Variants in MAST2 observed in about 807,000 individuals in gnomAD.
MAST2 encodes microtubule associated serine/threonine kinase 2, also known as microtubule-associated serine/threonine-protein kinase 2.
A neutral mutation model predicts 147.4 loss-of-function variants in MAST2; 70 were observed. The observed-to-expected ratio is 0.47, with a 90% CI of 0.39 to 0.58. The LOEUF (loss-of-function observed/expected upper bound fraction) is 0.58, where lower values mean the gene tolerates loss of function less well. Among genes scored for constraint, MAST2 ranks in the 20% least tolerant of loss-of-function variants. The probability of loss-of-function intolerance (pLI) is 0.00; values close to 1 mark genes in which losing one functional copy is unlikely to be tolerated. For missense variants in MAST2, 2,080 were observed against 2,302.3 expected (o/e 0.90, Z 1.98); for synonymous variants, 869 against 896.8 (o/e 0.97, Z 0.55).
chr1:46,028,987 T>C (rs904142996), intron 18 of MAST2, 54 bp downstream of exon 18: 1 of 1,514,506 alleles, frequency 6.6e-7, no homozygotes, highest in Non-Finnish European at 8.8e-7. Flanking sequence ...TCCACAAATA[T>C]GATGTATGCA....
chr1:45,824,496 T>G lies in MAST2; in HGVS notation c.241T>G (p.Ser81Ala). ...ACTCAGTAATCCTGACATATTTTCA[T>G]CCACTGGAAAAGTTAAACTTCAGCG... ...RKLSNPDIFS[S>A]TGKVKLQRQL... Residue 81 changes from serine (S) to alanine (A), a missense_variant, in exon 2 of 29, where the codon TCC becomes GCC. Ser to Ala is a moderately conservative substitution (Grantham distance 99, BLOSUM62 1). This residue lies in a region of MAST2 where 569 missense variants were observed against 642.5 expected (regional missense o/e 0.89). Transcript: ENST00000361297. The G allele has an allele frequency of 1.2e-6, 2 of 1,612,646 alleles. No homozygotes were observed. The highest frequency in any genetic ancestry group is 1.7e-6 in the Non-Finnish European group (2 of 1,179,144).
chr1:45,919,803 T>G (rs12130024), intron 4 of MAST2, among the ~76,000 whole-genome samples: 17 of 152,258 alleles, frequency 1.1e-4, no homozygotes, highest in Non-Finnish European at 2.4e-4. Flanking sequence ...TTTTTTTTTT[T>G]TTTTTCATAG....
At chr1:45,804,795 G>A (rs1421582323) in intron 1 of MAST2, among the ~76,000 whole-genome samples, 2 of 152,218 alleles carry the variant, frequency 1.3e-5, no homozygotes, top group Non-Finnish European at 2.9e-5. Flanking sequence ...GTATTTATGA[G>A]TAGGGGATAA....
chr1:45,899,719 C>T (rs1287565019), intron 4 of MAST2, among the ~76,000 whole-genome samples: 1 of 151,820 alleles, frequency 6.6e-6, no homozygotes, highest in Non-Finnish European at 1.5e-5. Flanking sequence ...TGGTGGGCAC[C>T]TAGGTTGATT....
At chr1:45,837,426 A>G in intron 3 of MAST2, among the ~76,000 whole-genome samples, 1 of 152,130 alleles carries the variant, frequency 6.6e-6, no homozygotes, top group African/African-American at 2.4e-5. Flanking sequence ...AGATTCATCC[A>G]TGTTGTTTTG....
At chr1:45,950,329 T>C (rs1179561977) in intron 4 of MAST2, among the ~76,000 whole-genome samples, 1 of 152,174 alleles carries the variant, frequency 6.6e-6, no homozygotes, top group Non-Finnish European at 1.5e-5. Context: ...TTGGCTTGTT[T>C]AGTGTAAGCA....
Position 46,022,810 on chromosome 1 carries a change from A to G in MAST2, c.1424-100A>G, listed in dbSNP as rs1646243301. ...CACATCCTAGGCTGATGCAAAAAGC[A>G]TTAATGACTACCCTACATGCACCTG... On this transcript the variant is annotated intron_variant, in intron 12 of 28. Coordinates refer to ENST00000361297, the MANE Select transcript of MAST2 (RefSeq NM_015112.3). 1.0e-5 allele frequency: 9 copies of G among 870,908 alleles called. No homozygotes were observed. The South Asian group carries it at 1.2e-4, about 12-fold the overall frequency. The allele number at this position is 870,908 out of a possible 1,614,324, so 53.9% of individuals were successfully genotyped here.
intron 3 of MAST2, among the ~76,000 whole-genome samples, chr1:45,852,693 G>T (rs1570376880): frequency 6.6e-6 from 1 of 152,004 alleles, no homozygotes; most frequent in Non-Finnish European, 1.5e-5. Flanking sequence ...TTATATAAAT[G>T]GAACCATATA....
At chr1:45,869,567 G>A (rs1042445462) in intron 3 of MAST2, among the ~76,000 whole-genome samples, 2 of 152,088 alleles carry the variant, frequency 1.3e-5, no homozygotes, top group Admixed American at 1.3e-4. Flanking sequence ...ATCCTCTGCT[G>A]CTTTATGTAT....
chr1:45,918,019 A>G (rs1228553179), intron 4 of MAST2, among the ~76,000 whole-genome samples: 1 of 152,218 alleles, frequency 6.6e-6, no homozygotes, highest in Non-Finnish European at 1.5e-5. Flanking sequence ...GGGCATGGGA[A>G]ACAAAGCAGT....
intron 27 of MAST2, 50 bp downstream of exon 27, chr1:46,033,988 G>A (rs1200954429): frequency 6.2e-7 from 1 of 1,609,342 alleles, no homozygotes; most frequent in Non-Finnish European, 8.5e-7. Flanking sequence ...ATGAGTGCTG[G>A]TACGTGGTGG....
intron 4 of MAST2, among the ~76,000 whole-genome samples, chr1:45,927,645 T>C (rs971409088): frequency 6.6e-6 from 1 of 152,210 alleles, no homozygotes; most frequent in South Asian, 2.1e-4. Context: ...TTTTTCAAGG[T>C]GCTCAGATTT....
At chr1:45,890,264 C>T (rs771616880) in intron 4 of MAST2, among the ~76,000 whole-genome samples, 4 of 152,172 alleles carry the variant, frequency 2.6e-5, no homozygotes, top group Non-Finnish European at 5.9e-5. Context: ...TGCCTTTTCC[C>T]GTTGTGTAGT....
At chr1:45,876,617 G>T (rs1646618094) in intron 3 of MAST2, among the ~76,000 whole-genome samples, 2 of 152,202 alleles carry the variant, frequency 1.3e-5, no homozygotes, top group South Asian at 4.1e-4. Flanking sequence ...TCCTGATTGT[G>T]TAGCTTTTCT....
At chr1:45,851,175 T>C (rs1645612334) in intron 3 of MAST2, among the ~76,000 whole-genome samples, 1 of 152,196 alleles carries the variant, frequency 6.6e-6, no homozygotes, top group African/African-American at 2.4e-5. Context: ...GTTGAGATCT[T>C]TTACCTCCTT....
At chr1:45,855,733 A>G (rs949403624) in intron 3 of MAST2, among the ~76,000 whole-genome samples, 4 of 152,176 alleles carry the variant, frequency 2.6e-5, no homozygotes, top group African/African-American at 9.7e-5. Context: ...GAACTCATTT[A>G]GGAGTTTTTC....
rs944420416 is a variant in MAST2 at position 45,908,780 on chromosome 1, C to T, written c.500+26385C>T. Among the ~76,000 whole-genome samples, 6 of 152,242 alleles carry T rather than the reference C, an allele frequency of 3.9e-5. 1 individual carries two copies. The Middle Eastern group carries it at 0.01, about 259-fold the overall frequency. ...CCCATGCCTCCTCAGCTTAGTGGAA[C>T]TACTGTGCTCTGCTTGAACTCTAGC... On this transcript the variant is annotated intron_variant, in intron 4 of 28. Coordinates refer to ENST00000361297, the MANE Select transcript of MAST2 (RefSeq NM_015112.3).
chr1:46,035,666 A>G lies in MAST2; in HGVS notation c.4997A>G (p.Asp1666Gly). ...WSWKSLIEGP[D>G]RASPSRKATM... is the part of the protein sequence containing the mutation. ...TGGAAATCCCTTATTGAGGGCCCAGACAGGGCATCCCCAAGCAGAAAGGCA... is the reference window on the plus strand; with the variant it reads ...TGGAAATCCCTTATTGAGGGCCCAGGCAGGGCATCCCCAAGCAGAAAGGCA... The change falls in exon 29 of 29, where the codon GAC becomes GGC. Residue 1666 changes from aspartate to glycine, a missense_variant. Around this residue, in one of 4 missense-constraint regions of MAST2, gnomAD observed 1,278 missense variants for 1,304.2 expected, o/e 0.98. Coordinates refer to ENST00000361297, the MANE Select transcript of MAST2 (RefSeq NM_015112.3). The surrounding 1 kb of genome is among the most constrained non-coding windows in gnomAD (Gnocchi z 5.5). 2 of 1,613,970 alleles carry G rather than the reference A, an allele frequency of 1.2e-6. No homozygotes were observed. Among genetic ancestry groups the G allele is most frequent in the Non-Finnish European group, 1.7e-6 (2 of 1,180,006 alleles).
chr1:45,931,169 T>G (rs987123824), intron 4 of MAST2, among the ~76,000 whole-genome samples: 4 of 152,220 alleles, frequency 2.6e-5, no homozygotes, highest in Non-Finnish European at 5.9e-5. Context: ...TGTTAGAATT[T>G]TACTGTTATT....
Sources: gnomAD v4.1 joint callset for allele counts (sites outside exome capture counted in the v4.1 genomes callset) on GRCh38, gnomAD v4.1.1 for gene constraint, gnomAD v4.1.1 regional missense constraint, Gnocchi (gnomAD v3.1) non-coding constraint, MANE v1.5 for transcripts, NCBI Gene and HGNC (gene_info 2026-07-23, HGNC 2026-07-21) for gene names.